The following AK5 variants were observed in gnomAD, a reference collection of about 807,000 sequenced individuals.
AK5 encodes the protein adenylate kinase isoenzyme 5.
AK5 carries 27 observed loss-of-function variants against 69.5 expected under a neutral mutation model. The ratio of observed to expected loss-of-function variants is 0.39; its 90% CI spans 0.29 to 0.54. The LOEUF is 0.54. AK5 is among the 20% of genes least tolerant of loss of function. The pLI is 0.71. For synonymous variants in AK5, 260 were observed against 244.4 expected (o/e 1.06, Z -0.60); for missense variants, 531 against 700.4 (o/e 0.76, Z 2.73).
At chr1:77,366,949 G>T (rs1253763357) in intron 6 of AK5, among the ~76,000 whole-genome samples, 1 of 151,740 alleles carries the variant, frequency 6.6e-6, no homozygotes, top group Non-Finnish European at 1.5e-5. Context: ...ACCCATCATT[G>T]TTAAATGTCA....
chr1:77,408,930 T>A (rs1054737147), intron 6 of AK5, among the ~76,000 whole-genome samples: 2 of 152,148 alleles, frequency 1.3e-5, no homozygotes, highest in African/African-American at 4.8e-5. Flanking sequence ...CCCGCTCAAG[T>A]AAACCCCAGT....
chr1:77,496,959 A>T (rs1005865429), intron 10 of AK5, among the ~76,000 whole-genome samples: 11 of 152,216 alleles, frequency 7.2e-5, no homozygotes, highest in Admixed American at 2.0e-4. Context: ...GTGGGCAGGG[A>T]CAAATAAGGG....
chr1:77,549,158 G>A (rs1570352302), intron 13 of AK5, among the ~76,000 whole-genome samples: 2 of 152,078 alleles, frequency 1.3e-5, no homozygotes, highest in East Asian at 3.9e-4. Flanking sequence ...TTACAGGCAT[G>A]AGCCACCGTG....
chr1:77,543,600 C>T (rs145479191), intron 13 of AK5, among the ~76,000 whole-genome samples: 66 of 151,986 alleles, frequency 4.3e-4, no homozygotes, highest in Middle Eastern at 3.4e-3. Flanking sequence ...GGTGCAATTA[C>T]GGCTCATTGC....
At chr1:77,418,860 T>A (rs1650607853) in intron 8 of AK5, among the ~76,000 whole-genome samples, 1 of 152,170 alleles carries the variant, frequency 6.6e-6, no homozygotes, top group African/African-American at 2.4e-5. Context: ...GAGTATAAAG[T>A]TCTTTCCTTA....
chr1:77,535,122 A>G (rs1477286327), intron 12 of AK5, among the ~76,000 whole-genome samples: 1 of 152,020 alleles, frequency 6.6e-6, no homozygotes, highest in Non-Finnish European at 1.5e-5. Flanking sequence ...ATGGCAGCGG[A>G]CTCCCCACTG....
intron 7 of AK5, among the ~76,000 whole-genome samples, chr1:77,412,179 C>T (rs1156746510): frequency 6.6e-6 from 1 of 152,206 alleles, no homozygotes; most frequent in African/African-American, 2.4e-5. Flanking sequence ...TTCTTTGGGA[C>T]ACCCAGCACT....
intron 6 of AK5, among the ~76,000 whole-genome samples, chr1:77,359,579 C>A (rs1646825318): frequency 6.6e-6 from 1 of 151,806 alleles, no homozygotes; most frequent in African/African-American, 2.4e-5. Flanking sequence ...GCATATACTT[C>A]AAAGTAAAAC....
chr1:77,335,850 G>A (rs545597080), intron 5 of AK5, among the ~76,000 whole-genome samples: 2 of 152,118 alleles, frequency 1.3e-5, no homozygotes, highest in African/African-American at 4.8e-5. Context: ...CACAGTTCTG[G>A]AGGCTAAGAA....
chr1:77,480,757 A>G (rs1655201607), intron 8 of AK5, among the ~76,000 whole-genome samples: 1 of 152,238 alleles, frequency 6.6e-6, no homozygotes, highest in African/African-American at 2.4e-5. Flanking sequence ...CACCTTAGGC[A>G]AACTTATTAA....
intron 8 of AK5, among the ~76,000 whole-genome samples, chr1:77,465,432 C>G (rs747672726): frequency 2.2e-4 from 34 of 152,056 alleles, no homozygotes; most frequent in Non-Finnish European, 4.4e-4. Flanking sequence ...TAAAAAGAAA[C>G]AAAAGAAAGT....
At chr1:77,383,631 C>A (rs1042827655) in intron 6 of AK5, among the ~76,000 whole-genome samples, 4 of 152,068 alleles carry the variant, frequency 2.6e-5, no homozygotes, top group Non-Finnish European at 5.9e-5. Context: ...TGAGTAAAAG[C>A]CAATATATTT....
At chr1:77,324,980 CT>C (rs374298984) in intron 5 of AK5, among the ~76,000 whole-genome samples, 21 of 139,170 alleles carry the variant, frequency 1.5e-4, no homozygotes, top group African/African-American at 2.1e-4. Context: ...TTACGAGCTA[CT>C]TTTTTTTTTG....
At chr1:77,299,520 T>A (rs770744079) in intron 5 of AK5, among the ~76,000 whole-genome samples, 5 of 152,142 alleles carry the variant, frequency 3.3e-5, no homozygotes, top group Non-Finnish European at 7.4e-5. Flanking sequence ...TGTGCTAGAA[T>A]GTCTGCCTCC....
intron 10 of AK5, among the ~76,000 whole-genome samples, chr1:77,501,448 A>G (rs892252022): frequency 3.3e-5 from 5 of 152,234 alleles, no homozygotes; most frequent in African/African-American, 9.6e-5. Flanking sequence ...AAACCTAGAC[A>G]GTGTAGCCTA....
At chr1:77,525,961 T>C (rs909029329) in intron 12 of AK5, among the ~76,000 whole-genome samples, 1 of 152,286 alleles carries the variant, frequency 6.6e-6, no homozygotes, top group Non-Finnish European at 1.5e-5. Context: ...GGTTTTAAAA[T>C]GATGTTTCTA....
At chr1:77,324,344 TG>T (rs1660686482) in intron 5 of AK5, among the ~76,000 whole-genome samples, 1 of 151,494 alleles carries the variant, frequency 6.6e-6, no homozygotes, top group African/African-American at 2.4e-5. Flanking sequence ...TGTGTGTGTG[TG>T]TGTGTGTGTC....
chr1:77,367,551 T>TTTTATATATATATATA (rs1553139653), intron 6 of AK5, among the ~76,000 whole-genome samples: 12 of 19,706 alleles, frequency 6.1e-4, no homozygotes, highest in Admixed American at 1.6e-3. Context: ...CTCATTTATG[T>TTTTATATATATATATA]TATTTTTATA....
chr1:77,493,782 G>A (rs1400592348), intron 10 of AK5, among the ~76,000 whole-genome samples: 1 of 152,120 alleles, frequency 6.6e-6, no homozygotes, highest in Non-Finnish European at 1.5e-5. Context: ...AAGAGACATT[G>A]GACTACTTTC....
Sources: gnomAD v4.1 joint callset for allele counts (sites outside exome capture counted in the v4.1 genomes callset) on GRCh38, gnomAD v4.1.1 for gene constraint, MANE v1.5 for transcripts, NCBI Gene and HGNC (gene_info 2026-07-23, HGNC 2026-07-21) for gene names.